Variants in CRTC1 observed in about 807,000 individuals in gnomAD.
The protein encoded by CRTC1 is CREB regulated transcription coactivator 1.
A neutral mutation model predicts 66.1 loss-of-function variants in CRTC1; 18 were observed. That is an observed-to-expected ratio of 0.27 (90% CI 0.19 to 0.40). The LOEUF (loss-of-function observed/expected upper bound fraction) is 0.40. Among genes scored for constraint, CRTC1 ranks in the 10% least tolerant of loss-of-function variants. The pLI is 1.00. For synonymous variants in CRTC1, 416 were observed against 398.8 expected, an observed-to-expected ratio of 1.04 and a Z score of -0.51; for missense variants, 669 against 887.9, an observed-to-expected ratio of 0.75 and a Z score of 3.13.
Position 18,741,914 on chromosome 19 carries a change from G to A in CRTC1, c.127-996G>A, listed in dbSNP as rs1412851931. On this transcript the variant is annotated intron_variant, in intron 1 of 13. Transcript: ENST00000321949. This position sits in a 1 kb window ranked among gnomAD's most constrained non-coding sequence, Gnocchi z 4.2. ...GGCGGTGGGGCAGCCAGCTCTCCAC[G>A]CACTGCCAGGAGCTGTTTGTAAGGA... Among the ~76,000 whole-genome samples the A allele has an allele frequency of 6.6e-6, 1 of 152,090 alleles. No homozygotes were observed. The highest frequency in any genetic ancestry group is 1.5e-5 in the Non-Finnish European group (1 of 67,998).
chr19:18,719,329 C>T (rs993689214), intron 1 of CRTC1, among the ~76,000 whole-genome samples: 19 of 152,318 alleles, frequency 1.2e-4, no homozygotes, highest in African/African-American at 4.1e-4. Flanking sequence ...CTAACCCCAC[C>T]GGGTCCCCAG....
Position 18,768,394 on chromosome 19 carries a change from C to A in CRTC1, c.1012-91C>A. On this transcript the variant is annotated intron_variant, in intron 9 of 13. Transcript: ENST00000321949. The surrounding 1 kb of genome is among the most constrained non-coding windows in gnomAD (Gnocchi z 5.6). ...CTGTGATCACAGGGCCCTTCCACCTCGCCTGCTGAGCATGCCAGGCTATGG... is the reference window on the plus strand; with the variant it reads ...CTGTGATCACAGGGCCCTTCCACCTAGCCTGCTGAGCATGCCAGGCTATGG... The A allele has an allele frequency of 9.2e-7, 1 of 1,092,742 alleles. No individual in the cohort carries two copies. Among genetic ancestry groups the A allele is most frequent in the South Asian group, 1.4e-5 (1 of 69,208 alleles). 67.7% of individuals were successfully genotyped at this position (1,092,742 alleles called of 1,614,324 possible).
At position 18,781,347 on chromosome 19, in the gene CRTC1, A is replaced by G. The variant is rs1169182000; in HGVS notation, c.*3965A>G. ...GGGTCTCTTTCTACCCCCATTCACCATGGACCAGGGGCCTCCATTTCCTGG... is the reference window on the plus strand; with the variant it reads ...GGGTCTCTTTCTACCCCCATTCACCGTGGACCAGGGGCCTCCATTTCCTGG... On this transcript the variant is annotated 3_prime_UTR_variant, in exon 14 of 14. Transcript: ENST00000321949. 8.8e-6 allele frequency: 2 copies of G among 227,650 alleles called. No individual in the cohort carries two copies. Among genetic ancestry groups the G allele is most frequent in the Admixed American group, 5.7e-5 (1 of 17,574 alleles). 14.1% of individuals were successfully genotyped at this position (227,650 alleles called of 1,614,324 possible).
At chr19:18,715,642 G>C (rs1001257049) in intron 1 of CRTC1, among the ~76,000 whole-genome samples, 11 of 152,238 alleles carry the variant, frequency 7.2e-5, no homozygotes, top group African/African-American at 2.7e-4. Context: ...GTGGCCCCGG[G>C]GACGGGCCTG....
At chr19:18,767,489 G>A (rs916624918) in intron 9 of CRTC1, among the ~76,000 whole-genome samples, 1 of 152,106 alleles carries the variant, frequency 6.6e-6, no homozygotes, top group South Asian at 2.1e-4. Flanking sequence ...GTGAGCCACC[G>A]CGCCCGTCAC....
At chr19:18,692,125 C>G (rs1413417891) in intron 1 of CRTC1, among the ~76,000 whole-genome samples, 1 of 152,102 alleles carries the variant, frequency 6.6e-6, no homozygotes, top group African/African-American at 2.4e-5. Context: ...TTGCTGTCTC[C>G]CTCTGTCTCA....
In CRTC1 at chr19:18,683,844, G is replaced by C. The variant is rs1370485972; in HGVS notation, c.126+16G>C. The stretch of plus-strand genomic sequence containing the variant: ...GGCCGCGCGGGTAAGGGGGCTGCCC[G>C]CGCCGACCCTTCAGGGCCGGCGGAG... On this transcript the variant is annotated intron_variant, in intron 1 of 13. Transcript: ENST00000321949. The C allele has an allele frequency of 9.0e-6, 11 of 1,221,326 alleles. No homozygotes were observed. The highest frequency in any genetic ancestry group is 1.1e-5 in the Non-Finnish European group (10 of 949,010). 75.7% of individuals were successfully genotyped at this position (1,221,326 alleles called of 1,614,324 possible).
At chr19:18,730,233 G>A (rs778051666) in intron 1 of CRTC1, among the ~76,000 whole-genome samples, 49 of 152,058 alleles carry the variant, frequency 3.2e-4, no homozygotes, top group Non-Finnish European at 5.4e-4. Flanking sequence ...GCTTTTTGCC[G>A]TGTGTAGATC....
At position 18,742,921 on chromosome 19, in the gene CRTC1, G is replaced by A. The variant is rs2054141936; in HGVS notation, c.138G>A (p.Gln46=). The A allele has an allele frequency of 1.2e-6, 2 of 1,613,536 alleles. No individual in the cohort carries two copies. Among genetic ancestry groups the A allele is most frequent in the Non-Finnish European group, 8.5e-7 (1 of 1,179,828 alleles). The change falls in exon 2 of 14, where the codon CAG becomes CAA. Residue 46 remains glutamine (Q), a synonymous_variant. Coordinates refer to ENST00000321949, the MANE Select transcript of CRTC1 (RefSeq NM_015321.3). The part of the protein sequence containing the change: ...SLTRAARLQL[Q]KSQYLQLGPS... ...CTTCTCTCTCGCAGCTCCAGCTCCA[G>A]AAATCCCAGTACCTGCAACTGGGCC... is the stretch of plus-strand genomic sequence containing the variant.
intron 1 of CRTC1, among the ~76,000 whole-genome samples, chr19:18,721,338 C>T (rs1209850251): frequency 2.6e-5 from 4 of 151,904 alleles, no homozygotes; most frequent in African/African-American, 4.8e-5. Context: ...GGACTTCAGG[C>T]GCCCGCCACC....
rs547621198 is a variant in CRTC1, at chr19:18,705,463, G to A, written c.126+21635G>A. ...CTCCCGAGTAGCTGGAATTACAGGC[G>A]CATGCCACCACACCTGGCTAATCTT... On this transcript the variant is annotated intron_variant, in intron 1 of 13. Transcript: ENST00000321949. Among the ~76,000 whole-genome samples, 262 of 152,230 alleles carry A rather than the reference G, an allele frequency of 1.7e-3. 3 individuals carry two copies. The highest frequency in any genetic ancestry group is 5.9e-3 in the African/African-American group (245 of 41,562).
rs1241803409 is a variant in CRTC1, at chr19:18,779,386, A to C, written c.*2004A>C. The C allele has an allele frequency of 4.4e-6, 1 of 224,934 alleles. No individual in the cohort carries two copies. The highest frequency in any genetic ancestry group is 8.8e-6 in the Non-Finnish European group (1 of 113,344). 13.9% of individuals were successfully genotyped at this position (224,934 alleles called of 1,614,324 possible). A position where few individuals can be genotyped will look rare whatever the true frequency, so the allele number is the denominator to read the frequency against. ...CGTCTTGTTCCAAGGTGCGGGGGGGACACTGTTGGTCTGTCCAGGTCAAGG... is the reference window on the plus strand; with the variant it reads ...CGTCTTGTTCCAAGGTGCGGGGGGGCCACTGTTGGTCTGTCCAGGTCAAGG... On this transcript the variant is annotated 3_prime_UTR_variant, in exon 14 of 14. Coordinates refer to ENST00000321949, the MANE Select transcript of CRTC1 (RefSeq NM_015321.3).
At chr19:18,737,708 A>G (rs2054027882) in intron 1 of CRTC1, among the ~76,000 whole-genome samples, 1 of 138,234 alleles carries the variant, frequency 7.2e-6, no homozygotes, top group Non-Finnish European at 1.6e-5. Context: ...TGCCTGAGAC[A>G]GCAAGACCAA....
chr19:18,749,915 C>A (rs367799790), intron 5 of CRTC1, 40 bp downstream of exon 5: 47 of 1,512,048 alleles, frequency 3.1e-5, no homozygotes, highest in Middle Eastern at 1.7e-4. Context: ...TGGGGTGAGG[C>A]AAGTCCAGCA....
At chr19:18,701,156 A>G (rs4808844) in intron 1 of CRTC1, among the ~76,000 whole-genome samples, 78,483 of 152,240 alleles carry the variant, frequency 0.52, 22,054 homozygotes, top group East Asian at 0.86. Context: ...CCGGGGCAGA[A>G]GGAGGAGCCT....
At position 18,742,943 on chromosome 19, in the gene CRTC1, G is replaced by A; in HGVS notation, c.160G>A (p.Gly54Ser). Residue 54 changes from glycine (G) to serine (S), a missense_variant, in exon 2 of 14, where the codon GGC becomes AGC. Transcript: ENST00000321949. ...CCAGAAATCCCAGTACCTGCAACTG[G>A]GCCCCAGCCGAGGCCAGTACTATGG... ...QLQKSQYLQL[G>S]PSRGQYYGGS... 6.2e-7 allele frequency: 1 copy of A among 1,613,900 alleles called. No homozygotes were observed. Among genetic ancestry groups the A allele is most frequent in the Non-Finnish European group, 8.5e-7 (1 of 1,179,992 alleles).
intron 1 of CRTC1, among the ~76,000 whole-genome samples, chr19:18,715,041 T>A (rs1422063959): frequency 6.6e-6 from 1 of 152,192 alleles, no homozygotes; most frequent in African/African-American, 2.4e-5. Flanking sequence ...AAATGTATAC[T>A]CTCCCAGCTC....
chr19:18,756,083 C>T (rs1214974889), intron 6 of CRTC1, among the ~76,000 whole-genome samples: 1 of 151,986 alleles, frequency 6.6e-6, no homozygotes, highest in Non-Finnish European at 1.5e-5. Context: ...CCTGTAATCC[C>T]AGCACTTTGG....
At chr19:18,719,357 A>G (rs1043428310) in intron 1 of CRTC1, among the ~76,000 whole-genome samples, 3 of 152,152 alleles carry the variant, frequency 2.0e-5, no homozygotes, top group Non-Finnish European at 4.4e-5. Flanking sequence ...AGCAGGTGCC[A>G]CCTGGGGCCT....
Sources: gnomAD v4.1 joint callset for allele counts (sites outside exome capture counted in the v4.1 genomes callset) on GRCh38, gnomAD v4.1.1 for gene constraint, Gnocchi (gnomAD v3.1) non-coding constraint, MANE v1.5 for transcripts, NCBI Gene and HGNC (gene_info 2026-07-23, HGNC 2026-07-21) for gene names.